The following ITSN2 variants were observed in gnomAD, a reference collection of about 807,000 sequenced individuals.
ITSN2 encodes the protein intersectin 2.
A neutral mutation model predicts 243.7 loss-of-function variants in ITSN2; 156 were observed. The ratio of observed to expected loss-of-function variants is 0.64; its 90% CI spans 0.56 to 0.73. ITSN2 has a LOEUF of 0.73. Ranked by LOEUF, ITSN2 falls within the 30% of genes least tolerant of loss-of-function variation. The probability of loss-of-function intolerance (pLI) is 0.00; values close to 1 mark genes in which losing one functional copy is unlikely to be tolerated. For missense variants in ITSN2, 1,801 were observed against 1,996.1 expected, an observed-to-expected ratio of 0.90 and a Z score of 1.86; for synonymous variants, 703 against 699.9, an observed-to-expected ratio of 1.00 and a Z score of -0.07.
At chr2:24,241,596 T>C (rs1353480985) in intron 29 of ITSN2, 1 of 152,640 alleles carries the variant, frequency 6.6e-6, no homozygotes, top group Non-Finnish European at 1.5e-5. Context: ...AAACAGGGCA[T>C]GGCTGTTTCC....
intron 37 of ITSN2, chr2:24,205,720 A>C: frequency 5.5e-6 from 1 of 180,602 alleles, no homozygotes; most frequent in Non-Finnish European, 1.2e-5. Context: ...TAACCCCTCA[A>C]TTGCCTAGCA....
chr2:24,346,644 G>T (rs947128962), intron 1 of ITSN2, among the ~76,000 whole-genome samples: 3 of 152,042 alleles, frequency 2.0e-5, no homozygotes, highest in Admixed American at 6.5e-5. Flanking sequence ...ATTAATAATA[G>T]TGGAAACTAT....
In ITSN2 at chr2:24,323,063, G is replaced by A. The variant is rs188716278; in HGVS notation, c.31+4989C>T. 2.6e-3 allele frequency among the ~76,000 whole-genome samples: 398 copies of A among 151,826 alleles called. 3 individuals are homozygous for A. Among genetic ancestry groups the A allele is most frequent in the African/African-American group, 9.2e-3 (383 of 41,428 alleles). ...TGAAAATTAAAAAAAAAAACAACAC[G>A]GAGTGCTGATAAAGATGCCAAACAA... On this transcript the variant is annotated intron_variant, in intron 2 of 39. Coordinates refer to ENST00000355123, the MANE Select transcript of ITSN2 (RefSeq NM_006277.3).
At chr2:24,208,482 T>C (rs1669143729) in intron 36 of ITSN2, among the ~76,000 whole-genome samples, 163 bp from the exon 37 acceptor site, 1 of 152,180 alleles carries the variant, frequency 6.6e-6, no homozygotes, top group African/African-American at 2.4e-5. Flanking sequence ...CTTATGCTAA[T>C]GGAGTATGAG....
intron 20 of ITSN2, among the ~76,000 whole-genome samples, chr2:24,269,187 G>A (rs1030799096): frequency 1.3e-5 from 2 of 151,630 alleles, no homozygotes; most frequent in Non-Finnish European, 2.9e-5. Context: ...TACTCCCCTG[G>A]ATGAGCTCCA....
chr2:24,208,165 G>A, intron 37 of ITSN2, 72 bp downstream of exon 37: 2 of 1,258,206 alleles, frequency 1.6e-6, no homozygotes, highest in Non-Finnish European at 2.3e-6. Flanking sequence ...TCATCAGCCT[G>A]ACTGCAGGAG....
At chr2:24,254,173 C>T (rs1265196013) in intron 24 of ITSN2, among the ~76,000 whole-genome samples, 194 bp downstream of exon 24, 1 of 152,124 alleles carries the variant, frequency 6.6e-6, no homozygotes, top group African/African-American at 2.4e-5. Context: ...AGTATTTTCA[C>T]CCATATTTTT....
chr2:24,202,969 AAAT>A lies in ITSN2; in HGVS notation c.*654_*656del. ...ATATGCAAAAACAATGAATTTACAT[AAAT>A]AATTTATACTTCAGAAAATTAAAGT... is the stretch of plus-strand genomic sequence containing the variant. On this transcript the variant is annotated 3_prime_UTR_variant, in exon 40 of 40. Coordinates refer to ENST00000355123, the MANE Select transcript of ITSN2 (RefSeq NM_006277.3). The A allele has an allele frequency of 6.6e-6, 1 of 152,670 alleles. No homozygotes were observed. The highest frequency in any genetic ancestry group is 1.9e-4 in the East Asian group (1 of 5,208). 9.5% of individuals were successfully genotyped at this position (152,670 alleles called of 1,614,324 possible).
intron 29 of ITSN2, among the ~76,000 whole-genome samples, chr2:24,233,192 AGC>A (rs1671796943): frequency 6.6e-6 from 1 of 152,314 alleles, no homozygotes; most frequent in South Asian, 2.1e-4. Context: ...ATTACTGAAC[AGC>A]TTATTACACC....
chr2:24,271,673 T>C (rs1677362705), intron 19 of ITSN2, 93 bp downstream of exon 19: 2 of 1,398,716 alleles, frequency 1.4e-6, no homozygotes, highest in South Asian at 2.0e-5. Flanking sequence ...ACAATTAGTA[T>C]CTTTCTAATT....
intron 16 of ITSN2, among the ~76,000 whole-genome samples, chr2:24,285,234 T>C (rs1679346735): frequency 6.6e-6 from 1 of 152,190 alleles, no homozygotes; most frequent in Non-Finnish European, 1.5e-5. Context: ...GAAGATAAGT[T>C]GGCTGGCTTG....
In ITSN2 at chr2:24,204,461, A is replaced by G. The variant is rs752216969; in HGVS notation, c.4763-43T>C. The G allele has an allele frequency of 1.3e-6, 2 of 1,583,116 alleles. No individual in the cohort carries two copies. The highest frequency in any genetic ancestry group is 1.1e-5 in the South Asian group (1 of 90,306). ...ACAGACACATGTGGTGCATGCAGGTAAAACGAAGCGACTGACAGTGCCCTC... is the reference window on the plus strand; with the variant it reads ...ACAGACACATGTGGTGCATGCAGGTGAAACGAAGCGACTGACAGTGCCCTC... On this transcript the variant is annotated intron_variant, in intron 38 of 39. Coordinates refer to ENST00000355123, the MANE Select transcript of ITSN2 (RefSeq NM_006277.3). This position sits in a 1 kb window ranked among gnomAD's most constrained non-coding sequence, Gnocchi z 5.1.
At chr2:24,353,465 G>A (rs371028307) in intron 1 of ITSN2, among the ~76,000 whole-genome samples, 15 of 152,088 alleles carry the variant, frequency 9.9e-5, no homozygotes, top group African/African-American at 1.9e-4. Context: ...TGGTCCCAGC[G>A]GGAGGCTGAG....
chr2:24,349,367 C>T (rs1446023503), intron 1 of ITSN2, among the ~76,000 whole-genome samples: 1 of 152,140 alleles, frequency 6.6e-6, no homozygotes, highest in Non-Finnish European at 1.5e-5. Context: ...TTTTCATCAA[C>T]CTGAATTATT....
At chr2:24,281,174 G>A (rs1047160312) in intron 17 of ITSN2, among the ~76,000 whole-genome samples, 2 of 152,092 alleles carry the variant, frequency 1.3e-5, no homozygotes, top group Admixed American at 1.3e-4. Context: ...GATTAAAGGC[G>A]CGTGCCACCA....
intron 20 of ITSN2, among the ~76,000 whole-genome samples, chr2:24,264,752 T>C (rs932410868): frequency 3.3e-5 from 5 of 152,282 alleles, no homozygotes; most frequent in African/African-American, 9.6e-5. Flanking sequence ...TCTATTTACC[T>C]ACTCTGTTCC....
intron 21 of ITSN2, 132 bp downstream of exon 21, chr2:24,261,429 T>C: frequency 1.1e-6 from 1 of 923,064 alleles, no homozygotes; most frequent in Non-Finnish European, 1.6e-6. Context: ...GTATTAAATC[T>C]GGAACAAAAA....
rs532225524 is a variant in ITSN2 at position 24,275,608 on chromosome 2, G to C, written c.2081+105C>G. ...ACTTATGAGATCCAGAATCTGATTAGGATAATCCCTTTATTTTCCTTAAAT... is the reference window on the plus strand; with the variant it reads ...ACTTATGAGATCCAGAATCTGATTACGATAATCCCTTTATTTTCCTTAAAT... On this transcript the variant is annotated intron_variant, in intron 18 of 39. Transcript: ENST00000355123. 89 of 872,840 alleles carry C rather than the reference G, an allele frequency of 1.0e-4. 1 individual carries two copies. The highest frequency in any genetic ancestry group is 7.3e-4 in the Middle Eastern group (2 of 2,742). 54.1% of individuals were successfully genotyped at this position (872,840 alleles called of 1,614,324 possible). A position where few individuals can be genotyped will look rare whatever the true frequency, so the allele number is the denominator to read the frequency against.
rs546079358 is a variant in ITSN2, at chr2:24,336,355, T to C, written c.-33-8240A>G. ...ATAAATGTTATTGGCTTGAGACCCT[T>C]CCACACAGCTACTAGTTTTTTCTTA... On this transcript the variant is annotated intron_variant, in intron 1 of 39. Coordinates refer to ENST00000355123, the MANE Select transcript of ITSN2 (RefSeq NM_006277.3). Among the ~76,000 whole-genome samples, 3 of 152,190 alleles carry C rather than the reference T, an allele frequency of 2.0e-5. No homozygotes were observed. The East Asian group carries it at 5.8e-4, about 29-fold the overall frequency.
Sources: gnomAD v4.1 joint callset for allele counts (sites outside exome capture counted in the v4.1 genomes callset) on GRCh38, gnomAD v4.1.1 for gene constraint, Gnocchi (gnomAD v3.1) non-coding constraint, MANE v1.5 for transcripts, NCBI Gene and HGNC (gene_info 2026-07-23, HGNC 2026-07-21) for gene names.